Variants in ARL4D observed in about 807,000 individuals in gnomAD.
ARL4D encodes the protein ARF like GTPase 4D.
Under a neutral mutation model 0.6 loss-of-function variants are expected in ARL4D, and 1 was observed. That is an observed-to-expected ratio of 1.64 (90% confidence interval 0.58 to 7.76). The LOEUF (loss-of-function observed/expected upper bound fraction) is 7.76. Ranked by LOEUF, ARL4D falls within the 30% of genes most tolerant of loss-of-function variation. The probability of loss-of-function intolerance (pLI) is 0.14; values close to 1 mark genes in which losing one functional copy is unlikely to be tolerated. For synonymous variants in ARL4D, 102 were observed against 115.2 expected, an observed-to-expected ratio of 0.89 and a Z score of 0.73; for missense variants, 230 against 264.5, an observed-to-expected ratio of 0.87 and a Z score of 0.90.
chr17:43,401,089 G>A lies in ARL4D; in HGVS notation c.*751G>A, dbSNP rs772819096. On this transcript the variant is annotated 3_prime_UTR_variant, in exon 2 of 2. Coordinates refer to ENST00000320033, the MANE Select transcript of ARL4D (RefSeq NM_001661.4). ...TATAAAAATTAGATTGTGTGTTACG[G>A]GATGGCTTGTGAAAATTATAGGGGG... 1.4e-4 allele frequency: 24 copies of A among 166,908 alleles called. No homozygotes were observed. The Admixed American group carries it at 1.5e-3, about 10-fold the overall frequency. 10.3% of individuals were successfully genotyped at this position (166,908 alleles called of 1,614,324 possible).
At position 43,399,981 on chromosome 17, in the gene ARL4D, GC is replaced by G; in HGVS notation, c.250del (p.Arg84AspfsTer14). ...VWDVGGQEKL[R>X]PLWRSYTRRT... ...GGGACGTCGGGGGGCAGGAGAAGCT[GC>G]GACCACTGTGGCGCTCTTATACCCG... On this transcript the variant is annotated frameshift_variant, in exon 2 of 2. Transcript: ENST00000320033. LOFTEE classifies it low-confidence loss of function (END_TRUNC). The G allele has an allele frequency of 6.2e-7, 1 of 1,614,064 alleles. No individual in the cohort carries two copies. Among genetic ancestry groups the G allele is most frequent in the Non-Finnish European group, 8.5e-7 (1 of 1,180,022 alleles).
Position 43,399,769 on chromosome 17 carries a change from T to G in ARL4D, c.37T>G (p.Ser13Ala), listed in dbSNP as rs748735507. ...NHLTEMAPTASSFLPHFQALH... is the reference protein window; with the variant it reads ...NHLTEMAPTAASFLPHFQALH... ...CTTGACTGAGATGGCGCCCACTGCCTCCTCCTTCTTGCCCCACTTCCAAGC... is the reference window on the plus strand; with the variant it reads ...CTTGACTGAGATGGCGCCCACTGCCGCCTCCTTCTTGCCCCACTTCCAAGC... Residue 13 changes from serine to alanine, a missense_variant, in exon 2 of 2, where the codon TCC (serine) becomes GCC (alanine). Coordinates refer to ENST00000320033, the MANE Select transcript of ARL4D (RefSeq NM_001661.4). The G allele has an allele frequency of 4.3e-5, 69 of 1,613,518 alleles. No individual in the cohort carries two copies. Among genetic ancestry groups the G allele is most frequent in the Middle Eastern group, 1.6e-4 (1 of 6,082 alleles).
chr17:43,400,558 G>A lies in ARL4D; in HGVS notation c.*220G>A. The A allele has an allele frequency of 3.4e-6, 2 of 587,674 alleles. No individual in the cohort carries two copies. The highest frequency in any genetic ancestry group is 6.0e-6 in the Non-Finnish European group (2 of 331,360). 36.4% of individuals were successfully genotyped at this position (587,674 alleles called of 1,614,324 possible). A position where few individuals can be genotyped will look rare whatever the true frequency, so the allele number is the denominator to read the frequency against. ...TCTCTCTCATCCTCTCTGGAGAAGT[G>A]GGCGCTGCAGGACTGTGGAGACGTA... On this transcript the variant is annotated 3_prime_UTR_variant, in exon 2 of 2. Transcript: ENST00000320033.
Position 43,400,113 on chromosome 17 carries a change from C to T in ARL4D, c.381C>T (p.Gly127=), listed in dbSNP as rs941492394. ...HRISRASDNQ[G]VPVLVLANKQ... ...TCAGCCGGGCCTCGGACAACCAGGG[C>T]GTGCCAGTGCTGGTGCTGGCCAACA... The change falls in exon 2 of 2, where the codon GGC becomes GGT. Residue 127 remains glycine, a synonymous_variant. Coordinates refer to ENST00000320033, the MANE Select transcript of ARL4D (RefSeq NM_001661.4). 9 of 1,610,580 alleles carry T rather than the reference C, an allele frequency of 5.6e-6. No individual in the cohort carries two copies. Among genetic ancestry groups the T allele is most frequent in the Middle Eastern group, 1.6e-4 (1 of 6,074 alleles).
chr17:43,400,972 C>T lies in ARL4D; in HGVS notation c.*634C>T, dbSNP rs1358100584. 1 of 167,034 alleles carries T rather than the reference C, an allele frequency of 6.0e-6. No homozygotes were observed. The highest frequency in any genetic ancestry group is 1.5e-5 in the Non-Finnish European group (1 of 68,116). 10.3% of individuals were successfully genotyped at this position (167,034 alleles called of 1,614,324 possible). On this transcript the variant is annotated 3_prime_UTR_variant, in exon 2 of 2. Transcript: ENST00000320033. ...GTCTGGGGCATTTTCCTCTCCTTATCTTGCCCCAGAGACAATTCAAGATTT... is the reference window on the plus strand; with the variant it reads ...GTCTGGGGCATTTTCCTCTCCTTATTTTGCCCCAGAGACAATTCAAGATTT...
chr17:43,400,119 AGTGCTG>A lies in ARL4D; in HGVS notation c.395_400del (p.Val132_Leu133del). 1 of 1,610,616 alleles carries A rather than the reference AGTGCTG, an allele frequency of 6.2e-7. No homozygotes were observed. The highest frequency in any genetic ancestry group is 8.5e-7 in the Non-Finnish European group (1 of 1,179,850). Reference sequence around the variant, plus strand: ...GGGCCTCGGACAACCAGGGCGTGCCAGTGCTGGTGCTGGCCAACAAGCAGGACCAGC... The same window carrying A: ...GGGCCTCGGACAACCAGGGCGTGCCAGTGCTGGCCAACAAGCAGGACCAGC... On this transcript the variant is annotated inframe_deletion, in exon 2 of 2. Coordinates refer to ENST00000320033, the MANE Select transcript of ARL4D (RefSeq NM_001661.4).
rs201567599 is a variant in ARL4D, at chr17:43,399,816, G to T, written c.84G>T (p.Gly28=). ...HFQALHVVVI[G]LDSAGKTSLL... ...AAGCCCTGCATGTCGTGGTCATTGG[G>T]CTGGACTCTGCTGGAAAGACCTCCC... Residue 28 remains glycine, a synonymous_variant, in exon 2 of 2, where the codon GGG becomes GGT. Transcript: ENST00000320033. The T allele has an allele frequency of 5.6e-6, 9 of 1,613,968 alleles. No homozygotes were observed. In the African/African-American group the frequency reaches 1.2e-4, roughly 22 times the overall value.
chr17:43,400,277 G>T lies in ARL4D; in HGVS notation c.545G>T (p.Arg182Leu), dbSNP rs958350187. ...DGLGLQQGLE[R>L]LYEMILKRKK... ...CTGGGCCTGCAGCAGGGCCTTGAGC[G>T]CCTCTATGAGATGATCCTCAAGAGG... Residue 182 changes from arginine to leucine, a missense_variant, in exon 2 of 2, where the codon CGC becomes CTC. This residue lies in a region of ARL4D where 131 missense variants were observed against 134.4 expected (regional missense o/e 0.97). Transcript: ENST00000320033. 6.2e-7 allele frequency: 1 copy of T among 1,608,892 alleles called. No individual in the cohort carries two copies. Among genetic ancestry groups the T allele is most frequent in the Non-Finnish European group, 8.5e-7 (1 of 1,178,506 alleles).
rs1026162928 is a variant in ARL4D at position 43,400,822 on chromosome 17, C to T, written c.*484C>T. On this transcript the variant is annotated 3_prime_UTR_variant, in exon 2 of 2. Coordinates refer to ENST00000320033, the MANE Select transcript of ARL4D (RefSeq NM_001661.4). ...GTCTGTGAAAGTGCCAAGAACCCCT[C>T]CCCACATTTGTAGATCCATGACCCT... The T allele has an allele frequency of 1.2e-5, 2 of 173,752 alleles. No individual in the cohort carries two copies. Among genetic ancestry groups the T allele is most frequent in the Non-Finnish European group, 2.8e-5 (2 of 71,754 alleles). 10.8% of individuals were successfully genotyped at this position (173,752 alleles called of 1,614,324 possible).
In ARL4D at chr17:43,400,367, C is replaced by T; in HGVS notation, c.*29C>T. 1 of 1,551,868 alleles carries T rather than the reference C, an allele frequency of 6.4e-7. No individual in the cohort carries two copies. Among genetic ancestry groups the T allele is most frequent in the Non-Finnish European group, 8.7e-7 (1 of 1,149,612 alleles). On this transcript the variant is annotated 3_prime_UTR_variant, in exon 2 of 2. Transcript: ENST00000320033. ...AAGCCCCCCCTCCCTTTCCTCCCAC[C>T]TAGTAGGGGTCTGCACACTTGGACA...
In ARL4D at chr17:43,400,592, CTG is replaced by C. The variant is rs1175429755; in HGVS notation, c.*257_*258del. ...AGGACTGTGGAGACGTAAATGTAAA[CTG>C]TGACTCTACCTCGACCCTGTTTCTT... On this transcript the variant is annotated 3_prime_UTR_variant, in exon 2 of 2. Transcript: ENST00000320033. 6 of 431,530 alleles carry C rather than the reference CTG, an allele frequency of 1.4e-5. No homozygotes were observed. The highest frequency in any genetic ancestry group is 1.2e-4 in the East Asian group (3 of 25,674). 26.7% of individuals were successfully genotyped at this position (431,530 alleles called of 1,614,324 possible).
rs2058084399 is a variant in ARL4D at position 43,400,578 on chromosome 17, G to A, written c.*240G>A. 4.2e-6 allele frequency: 2 copies of A among 479,458 alleles called. No homozygotes were observed. The highest frequency in any genetic ancestry group is 3.9e-5 in the African/African-American group (2 of 51,406). 29.7% of individuals were successfully genotyped at this position (479,458 alleles called of 1,614,324 possible). On this transcript the variant is annotated 3_prime_UTR_variant, in exon 2 of 2. Transcript: ENST00000320033. ...GAAGTGGGCGCTGCAGGACTGTGGA[G>A]ACGTAAATGTAAACTGTGACTCTAC...
chr17:43,400,108 C>A lies in ARL4D; in HGVS notation c.376C>A (p.Gln126Lys). The change falls in exon 2 of 2, where the codon CAG becomes AAG. Residue 126 changes from glutamine to lysine, a missense_variant. By Grantham distance (53) the Gln-to-Lys change is moderately conservative. Coordinates refer to ENST00000320033, the MANE Select transcript of ARL4D (RefSeq NM_001661.4). ...CCGAATCAGCCGGGCCTCGGACAAC[C>A]AGGGCGTGCCAGTGCTGGTGCTGGC... The part of the protein sequence containing the change: ...LHRISRASDN[Q>K]GVPVLVLANK... 1 of 1,610,996 alleles carries A rather than the reference C, an allele frequency of 6.2e-7. No homozygotes were observed.
rs201567599 is a variant in ARL4D, at chr17:43,399,816, G to A, written c.84G>A (p.Gly28=). ...HFQALHVVVI[G]LDSAGKTSLL... ...AAGCCCTGCATGTCGTGGTCATTGG[G>A]CTGGACTCTGCTGGAAAGACCTCCC... is the stretch of plus-strand genomic sequence containing the variant. Residue 28 remains glycine, a synonymous_variant, in exon 2 of 2, where the codon GGG becomes GGA. Transcript: ENST00000320033. 2.0e-5 allele frequency: 32 copies of A among 1,613,850 alleles called. No homozygotes were observed. The highest frequency in any genetic ancestry group is 4.5e-5 in the East Asian group (2 of 44,862).
rs2058081566 is a variant in ARL4D, at chr17:43,400,056, G to T, written c.324G>T (p.Arg108=). 1 of 1,613,482 alleles carries T rather than the reference G, an allele frequency of 6.2e-7. No homozygotes were observed. The highest frequency in any genetic ancestry group is 8.5e-7 in the Non-Finnish European group (1 of 1,180,024). The change falls in exon 2 of 2, where the codon CGG becomes CGT. Residue 108 remains arginine, a synonymous_variant. Coordinates refer to ENST00000320033, the MANE Select transcript of ARL4D (RefSeq NM_001661.4). The stretch of plus-strand genomic sequence containing the variant: ...TGGTGGACGCTGCGGAGGCTGAGCG[G>T]CTGGAGGAAGCCAAGGTGGAGTTGC... The part of the protein sequence containing the change: ...VFVVDAAEAE[R]LEEAKVELHR...
chr17:43,399,805 G>A lies in ARL4D; in HGVS notation c.73G>A (p.Val25Met). ...GCCCCACTTCCAAGCCCTGCATGTC[G>A]TGGTCATTGGGCTGGACTCTGCTGG... ...FLPHFQALHV[V>M]VIGLDSAGKT... Residue 25 changes from valine to methionine, a missense_variant, in exon 2 of 2, where the codon GTG (valine) becomes ATG (methionine). Physicochemically the swap from Val to Met is conservative, Grantham distance 21 (BLOSUM62 1). Around this residue, in one of 3 missense-constraint regions of ARL4D, gnomAD observed 91 missense variants for 100.4 expected, o/e 0.91. Transcript: ENST00000320033. The A allele has an allele frequency of 6.2e-7, 1 of 1,613,996 alleles. No individual in the cohort carries two copies.
At position 43,400,089 on chromosome 17, in the gene ARL4D, C is replaced by G. The variant is rs746029987; in HGVS notation, c.357C>G (p.Ile119Met). The change falls in exon 2 of 2, where the codon ATC (isoleucine) becomes ATG (methionine). Residue 119 changes from isoleucine to methionine, a missense_variant. By Grantham distance (10) the Ile-to-Met change is conservative. Around this residue, in one of 3 missense-constraint regions of ARL4D, gnomAD observed 131 missense variants for 134.4 expected, o/e 0.97. Transcript: ENST00000320033. Reference sequence around the variant, plus strand: ...AAGCCAAGGTGGAGTTGCACCGAATCAGCCGGGCCTCGGACAACCAGGGCG... The same window carrying G: ...AAGCCAAGGTGGAGTTGCACCGAATGAGCCGGGCCTCGGACAACCAGGGCG... ...LEEAKVELHR[I>M]SRASDNQGVP... 8 of 1,612,146 alleles carry G rather than the reference C, an allele frequency of 5.0e-6. No homozygotes were observed. In the African/African-American group the frequency reaches 1.1e-4, roughly 22 times the overall value.
At position 43,400,081 on chromosome 17, in the gene ARL4D, C is replaced by A; in HGVS notation, c.349C>A (p.His117Asn). The change falls in exon 2 of 2, where the codon CAC becomes AAC. Residue 117 changes from histidine (H) to asparagine (N), a missense_variant. Transcript: ENST00000320033. The stretch of plus-strand genomic sequence containing the variant: ...GCTGGAGGAAGCCAAGGTGGAGTTG[C>A]ACCGAATCAGCCGGGCCTCGGACAA... The part of the protein sequence containing the change: ...ERLEEAKVEL[H>N]RISRASDNQG... 2.5e-6 allele frequency: 4 copies of A among 1,612,666 alleles called. No individual in the cohort carries two copies. Among genetic ancestry groups the A allele is most frequent in the Non-Finnish European group, 3.4e-6 (4 of 1,180,002 alleles).
chr17:43,400,334 G>T lies in ARL4D; in HGVS notation c.602G>T (p.Arg201Leu). Residue 201 changes from arginine (R) to leucine (L), a missense_variant, in exon 2 of 2, where the codon CGG (arginine) becomes CTG (leucine). By Grantham distance (102) the Arg-to-Leu change is moderately radical (BLOSUM62 -2). Transcript: ENST00000320033. ...GCAGCTCGGGGTGGCAAGAAGAGAC[G>T]GTGACCCAAGCCCCCCCTCCCTTTC... ...KKAARGGKKR[R>L] The T allele has an allele frequency of 6.3e-7, 1 of 1,576,512 alleles. No homozygotes were observed.
Sources: gnomAD v4.1 joint callset for allele counts on GRCh38, gnomAD v4.1.1 for gene constraint, gnomAD v4.1.1 regional missense constraint, MANE v1.5 for transcripts, NCBI Gene and HGNC (gene_info 2026-07-23, HGNC 2026-07-21) for gene names.